The following GPATCH8 variants were observed in gnomAD, a reference collection of about 807,000 sequenced individuals.
GPATCH8 encodes G-patch domain containing 8, also known as G patch domain-containing protein 8.
Under a neutral mutation model 118.3 loss-of-function variants are expected in GPATCH8, and 18 were observed. The observed-to-expected ratio is 0.15, with a 90% CI of 0.11 to 0.23. The LOEUF (loss-of-function observed/expected upper bound fraction) is 0.23, where lower values mean the gene tolerates loss of function less well. GPATCH8 is among the 10% of genes least tolerant of loss of function. The pLI, the probability that GPATCH8 is intolerant of heterozygous loss-of-function variation, is 1.00. For synonymous variants in GPATCH8, 659 were observed against 684.7 expected (o/e 0.96, Z 0.59); for missense variants, 1,631 against 1,873.8 (o/e 0.87, Z 2.39).
intron 6 of GPATCH8, among the ~76,000 whole-genome samples, chr17:44,423,232 TCC>T (rs1421612527): frequency 1.3e-5 from 2 of 151,996 alleles, no homozygotes; most frequent in South Asian, 2.1e-4. Context: ...AGAGCAAAAC[TCC>T]GTCTCAAAAA....
At chr17:44,489,934 C>T (rs1255324479) in intron 1 of GPATCH8, among the ~76,000 whole-genome samples, 1 of 152,094 alleles carries the variant, frequency 6.6e-6, no homozygotes, top group Admixed American at 6.6e-5. Context: ...ACCTTCCCTT[C>T]AAAACCTCAC....
At chr17:44,437,396 T>C (rs1396502665) in intron 3 of GPATCH8, among the ~76,000 whole-genome samples, 1 of 152,126 alleles carries the variant, frequency 6.6e-6, no homozygotes, top group Admixed American at 6.6e-5. Context: ...ACCACAGCTG[T>C]TTTACATCAC....
At chr17:44,474,547 AAACTTT>A (rs1967574564) in intron 2 of GPATCH8, 8 of 486,134 alleles carry the variant, frequency 1.6e-5, no homozygotes, top group Non-Finnish European at 3.0e-5. Context: ...ACAAAATGCT[AAACTTT>A]AACTTGCTAC....
intron 2 of GPATCH8, among the ~76,000 whole-genome samples, chr17:44,468,352 G>A (rs184482166): frequency 7.7e-5 from 11 of 142,358 alleles, no homozygotes; most frequent in South Asian, 4.7e-4. Context: ...CAAGGGCAAT[G>A]AACATTAAAT....
At chr17:44,417,520 A>G (rs2049731731) in intron 6 of GPATCH8, among the ~76,000 whole-genome samples, 1 of 152,162 alleles carries the variant, frequency 6.6e-6, no homozygotes, top group African/African-American at 2.4e-5. Flanking sequence ...CGCTTGGCCT[A>G]AAGAATTTCT....
chr17:44,431,445 A>G (rs1229494729), intron 5 of GPATCH8, among the ~76,000 whole-genome samples: 1 of 151,226 alleles, frequency 6.6e-6, no homozygotes, highest in Non-Finnish European at 1.5e-5. Flanking sequence ...TCTAAAGGAG[A>G]CAGAAATGTG....
intron 1 of GPATCH8, among the ~76,000 whole-genome samples, chr17:44,488,786 T>C (rs986735798): frequency 1.1e-4 from 17 of 151,562 alleles, no homozygotes; most frequent in African/African-American, 3.9e-4. Flanking sequence ...AAAATTACTT[T>C]AAAATAAAAC....
chr17:44,500,382 T>G (rs921038593), intron 1 of GPATCH8, among the ~76,000 whole-genome samples: 1 of 152,228 alleles, frequency 6.6e-6, no homozygotes, highest in Non-Finnish European at 1.5e-5. Context: ...GAATAGGACC[T>G]GTTTGTTATT....
At chr17:44,502,065 T>TTGC (rs1036648192) in intron 1 of GPATCH8, among the ~76,000 whole-genome samples, 17 of 152,180 alleles carry the variant, frequency 1.1e-4, no homozygotes, top group African/African-American at 4.1e-4. Context: ...AGCAGGCGCA[T>TTGC]GATCACAAGG....
intron 1 of GPATCH8, among the ~76,000 whole-genome samples, chr17:44,487,049 T>A (rs925398488): frequency 6.6e-6 from 1 of 152,222 alleles, no homozygotes; most frequent in Non-Finnish European, 1.5e-5. Context: ...TCACTCTTGA[T>A]GTAGTTCTAT....
intron 5 of GPATCH8, among the ~76,000 whole-genome samples, chr17:44,429,686 A>ACAC (rs371769035): frequency 2.7e-5 from 4 of 147,240 alleles, no homozygotes; most frequent in Non-Finnish European, 4.5e-5. Flanking sequence ...ACACACACAC[A>ACAC]AAACAACAAA....
In GPATCH8 at chr17:44,398,005, G is replaced by A; in HGVS notation, c.4072C>T (p.Pro1358Ser). 3.7e-6 allele frequency: 6 copies of A among 1,614,074 alleles called. No homozygotes were observed. Among genetic ancestry groups the A allele is most frequent in the Non-Finnish European group, 5.1e-6 (6 of 1,179,938 alleles). ...GTAGCTGGCTGCTGAATGTGGATGG[G>A]TTGCAGGGCTGGTGTGGCTGGGGCC... ...ALAPATPALQPIHIQQPATAS... is the reference protein window; with the variant it reads ...ALAPATPALQSIHIQQPATAS... The change falls in exon 8 of 8, where the codon CCC (proline) becomes TCC (serine). Residue 1358 changes from proline to serine, a missense_variant. Physicochemically the swap from Pro to Ser is moderately conservative, Grantham distance 74. Transcript: ENST00000591680.
At chr17:44,432,117 A>G (rs535203235) in intron 5 of GPATCH8, among the ~76,000 whole-genome samples, 2 of 149,956 alleles carry the variant, frequency 1.3e-5, no homozygotes, top group South Asian at 2.1e-4. Flanking sequence ...TACTGTTGAT[A>G]GGAAAAGAAC....
At chr17:44,484,086 C>T (rs1968581646) in intron 1 of GPATCH8, among the ~76,000 whole-genome samples, 2 of 152,122 alleles carry the variant, frequency 1.3e-5, no homozygotes, top group Admixed American at 6.6e-5. Flanking sequence ...GTGATCCGCC[C>T]GCCTCGGACT....
intron 1 of GPATCH8, among the ~76,000 whole-genome samples, chr17:44,493,680 G>A (rs1969454251): frequency 6.6e-6 from 1 of 152,158 alleles, no homozygotes; most frequent in Non-Finnish European, 1.5e-5. Context: ...GTGAGCCCAG[G>A]AGTTCAAGTC....
intron 3 of GPATCH8, among the ~76,000 whole-genome samples, chr17:44,457,777 T>C (rs1289561682): frequency 1.3e-5 from 2 of 151,308 alleles, no homozygotes; most frequent in Non-Finnish European, 1.5e-5. Context: ...TACAAGAAAT[T>C]TCTTAAAAAT....
chr17:44,426,848 ACTCTCTCTCT>A (rs71361571), intron 5 of GPATCH8, among the ~76,000 whole-genome samples: 24 of 35,466 alleles, frequency 6.8e-4, no homozygotes, highest in Admixed American at 1.4e-3. Context: ...ACACACACAC[ACTCTCTCTCT>A]CTCTCTCTCT....
intron 1 of GPATCH8, among the ~76,000 whole-genome samples, chr17:44,480,387 C>CTGGCCAACA (rs1968129692): frequency 6.6e-6 from 1 of 151,962 alleles, no homozygotes; most frequent in Admixed American, 6.6e-5. Context: ...CAAGACCAGC[C>CTGGCCAACA]TGGCCAACAT....
At chr17:44,484,991 T>A (rs1037905281) in intron 1 of GPATCH8, among the ~76,000 whole-genome samples, 8 of 151,814 alleles carry the variant, frequency 5.3e-5, no homozygotes, top group African/African-American at 1.7e-4. Flanking sequence ...TTTTTTGTAT[T>A]TTTTTTAGAG....
Sources: allele counts gnomAD v4.1 joint callset (sites outside exome capture counted in the v4.1 genomes callset), GRCh38; gene constraint gnomAD v4.1.1; transcripts MANE v1.5; gene names NCBI Gene and HGNC (gene_info 2026-07-23, HGNC 2026-07-21).